The following DRD3 variants were observed in gnomAD, a reference collection of about 807,000 sequenced individuals.
DRD3 encodes the protein dopamine receptor D3.
DRD3 carries 19 observed loss-of-function variants against 36.3 expected under a neutral mutation model. The observed-to-expected ratio is 0.52, with a 90% CI of 0.36 to 0.77. The LOEUF is 0.77. DRD3 is among the 30% of genes least tolerant of loss of function. The pLI is 0.00. For synonymous variants in DRD3, 195 were observed against 203.7 expected, an observed-to-expected ratio of 0.96 and a Z score of 0.36; for missense variants, 465 against 505.3, an observed-to-expected ratio of 0.92 and a Z score of 0.77.
chr3:114,171,137 A>G (rs2077836711), intron 2 of DRD3, among the ~76,000 whole-genome samples: 1 of 152,214 alleles, frequency 6.6e-6, no homozygotes, highest in Non-Finnish European at 1.5e-5. Context: ...CATGGAAAAT[A>G]TACATTTGAG....
intron 1 of DRD3, among the ~76,000 whole-genome samples, chr3:114,198,790 T>C (rs977355175): frequency 1.3e-5 from 2 of 152,144 alleles, no homozygotes; most frequent in African/African-American, 4.8e-5. Context: ...CAGGTTGGAA[T>C]ATAGTGGCAT....
In DRD3 at chr3:114,127,792, C is replaced by G. The variant is rs566354405; in HGVS notation, c.*924G>C. Among the ~76,000 whole-genome samples the G allele has an allele frequency of 1.3e-5, 2 of 152,072 alleles. No individual in the cohort carries two copies. The highest frequency in any genetic ancestry group is 2.9e-5 in the Non-Finnish European group (2 of 68,016). ...CTCCATTATTATCTTATGAGACCAC[C>G]GTTGTATATGTGGTCCACTGTTGCC... On this transcript the variant is annotated 3_prime_UTR_variant, in exon 7 of 7. Transcript: ENST00000383673.
rs1250718610 is a variant in DRD3 at position 114,128,229 on chromosome 3, A to G, written c.*487T>C. Among the ~76,000 whole-genome samples the G allele has an allele frequency of 6.6e-6, 1 of 152,220 alleles. No individual in the cohort carries two copies. The highest frequency in any genetic ancestry group is 1.5e-5 in the Non-Finnish European group (1 of 68,038). ...CTGGCCTTGCCATTCACAGTTCCAGATACAGTGAAGGAAAGAAATGACCAA... is the reference window on the plus strand; with the variant it reads ...CTGGCCTTGCCATTCACAGTTCCAGGTACAGTGAAGGAAAGAAATGACCAA... On this transcript the variant is annotated 3_prime_UTR_variant, in exon 7 of 7. Transcript: ENST00000383673.
At chr3:114,168,107 T>C (rs1263583621) in intron 2 of DRD3, among the ~76,000 whole-genome samples, 1 of 152,234 alleles carries the variant, frequency 6.6e-6, no homozygotes, top group Non-Finnish European at 1.5e-5. Context: ...TTTAAGCCAA[T>C]TGGAGTTAAG....
chr3:114,193,504 C>G (rs1252046569), intron 1 of DRD3, among the ~76,000 whole-genome samples: 1 of 152,212 alleles, frequency 6.6e-6, no homozygotes, highest in Non-Finnish European at 1.5e-5. Context: ...CTCCCTCTCC[C>G]TGCTTCTCAG....
At chr3:114,181,891 C>T (rs1188227439), upstream of DRD3, among the ~76,000 whole-genome samples, 2 of 152,172 alleles carry the variant, frequency 1.3e-5, no homozygotes, top group Non-Finnish European at 2.9e-5. Context: ...CCACTTTAAA[C>T]CCCCACTGAG....
intron 2 of DRD3, among the ~76,000 whole-genome samples, chr3:114,166,168 T>C (rs1042778106): frequency 3.3e-5 from 5 of 152,000 alleles, no homozygotes; most frequent in African/African-American, 1.2e-4. Context: ...GTATTTTCAG[T>C]AGAGACGGGG....
intron 4 of DRD3, among the ~76,000 whole-genome samples, chr3:114,142,962 C>A (rs1452236149): frequency 6.6e-6 from 1 of 152,182 alleles, no homozygotes; most frequent in African/African-American, 2.4e-5. Context: ...CCTGCCCCAG[C>A]CCCCAGCAGG....
rs34500434 is a variant in DRD3, at chr3:114,164,220, C to CAAAAAA, written c.271-4359_271-4354dup. Among the ~76,000 whole-genome samples the CAAAAAA allele has an allele frequency of 1.6e-3, 29 of 17,764 alleles. 1 individual carries two copies. The highest frequency in any genetic ancestry group is 1.9e-3 in the African/African-American group (16 of 8,288). 11.7% of individuals were successfully genotyped at this position (17,764 alleles called of 152,430 possible). A position where few individuals can be genotyped will look rare whatever the true frequency, so the allele number is the denominator to read the frequency against. On this transcript the variant is annotated intron_variant, in intron 2 of 6. Coordinates refer to ENST00000383673, the MANE Select transcript of DRD3 (RefSeq NM_000796.6). ...TGGGTGATAGAGCGAGCCTCAGTCT[C>CAAAAAA]AAAAAAAAAAAAAAAAAAAAAAAAA...
intron 3 of DRD3, among the ~76,000 whole-genome samples, chr3:114,153,580 G>T (rs2077638242): frequency 6.6e-6 from 1 of 152,004 alleles, no homozygotes; most frequent in African/African-American, 2.4e-5. Context: ...ACAGATAAGA[G>T]AACTGAGGCT....
intron 3 of DRD3, among the ~76,000 whole-genome samples, chr3:114,156,806 CTTTT>C (rs2077681519): frequency 1.0e-5 from 1 of 98,126 alleles, no homozygotes; most frequent in African/African-American, 3.9e-5. Context: ...TTTCTCTTTT[CTTTT>C]TCTTTCTTTT....
At chr3:114,153,850 C>A (rs1280568442) in intron 3 of DRD3, among the ~76,000 whole-genome samples, 1 of 152,108 alleles carries the variant, frequency 6.6e-6, no homozygotes, top group Non-Finnish European at 1.5e-5. Context: ...GGTATTACAT[C>A]TCTCTCTCTG....
chr3:114,156,715 GTCTTTCTTTCTTTCTTTCTTTCTTTC>G (rs1468497880), intron 3 of DRD3, among the ~76,000 whole-genome samples: 7 of 80,286 alleles, frequency 8.7e-5, no homozygotes, highest in Non-Finnish European at 1.8e-4. Context: ...TGGCTTGCCT[GTCTTTCTTTCTTTCTTTCTTTCTTTC>G]TTTTTCTTTC....
chr3:114,134,213 A>G (rs1283867099), intron 5 of DRD3, among the ~76,000 whole-genome samples: 1 of 152,128 alleles, frequency 6.6e-6, no homozygotes, highest in Non-Finnish European at 1.5e-5. Flanking sequence ...ACATACTCAG[A>G]ATGAATGAAT....
At position 114,159,824 on chromosome 3, in the gene DRD3, A is replaced by T; in HGVS notation, c.314T>A (p.Val105Asp). 1 of 1,614,142 alleles carries T rather than the reference A, an allele frequency of 6.2e-7. No homozygotes were observed. Among genetic ancestry groups the T allele is most frequent in the Non-Finnish European group, 8.5e-7 (1 of 1,179,994 alleles). The change falls in exon 3 of 7, where the codon GTT (valine) becomes GAT (aspartate). Residue 105 changes from valine to aspartate, a missense_variant. Transcript: ENST00000383673. ...CATCATGACATCCAGGGTGACAAAAACATCACAGCAAATGCGGCTGAAATT... is the reference window on the plus strand; with the variant it reads ...CATCATGACATCCAGGGTGACAAAATCATCACAGCAAATGCGGCTGAAATT... The part of the protein sequence containing the change: ...VWNFSRICCD[V>D]FVTLDVMMCT...
intron 4 of DRD3, 74 bp from the exon 5 acceptor site, chr3:114,139,770 C>G: frequency 6.9e-7 from 1 of 1,440,534 alleles, no homozygotes; most frequent in Non-Finnish European, 9.6e-7. Flanking sequence ...AACACGGCTC[C>G]ATGTCACGTG....
intron 1 of DRD3, among the ~76,000 whole-genome samples, chr3:114,190,272 C>G (rs533241859): frequency 1.3e-5 from 2 of 150,690 alleles, no homozygotes; most frequent in African/African-American, 2.4e-5. Context: ...CTTTGCCAAG[C>G]AAAAATATGT....
chr3:114,157,806 T>TA (rs1206550860), intron 3 of DRD3, among the ~76,000 whole-genome samples: 1 of 151,944 alleles, frequency 6.6e-6, no homozygotes, highest in Non-Finnish European at 1.5e-5. Context: ...AGAGTGTGTT[T>TA]AAAAAAGAGG....
intron 1 of DRD3, among the ~76,000 whole-genome samples, chr3:114,189,168 A>T (rs2077990464): frequency 6.6e-6 from 1 of 152,158 alleles, no homozygotes; most frequent in African/African-American, 2.4e-5. Context: ...TCTTTTATTC[A>T]GTTGATTTAA....
Sources: gnomAD v4.1 joint callset for allele counts (sites outside exome capture counted in the v4.1 genomes callset) on GRCh38, gnomAD v4.1.1 for gene constraint, MANE v1.5 for transcripts, NCBI Gene and HGNC (gene_info 2026-07-23, HGNC 2026-07-21) for gene names.